The following CXCR5 variants were observed in gnomAD, a reference collection of about 807,000 sequenced individuals.
CXCR5 encodes C-X-C motif chemokine receptor 5, also known as C-X-C chemokine receptor type 5.
Under a neutral mutation model 5.6 loss-of-function variants are expected in CXCR5, and 3 were observed. That is an observed-to-expected ratio of 0.54 (90% CI 0.24 to 1.39). The LOEUF (loss-of-function observed/expected upper bound fraction) is 1.39, where lower values mean the gene tolerates loss of function less well. CXCR5 is among the 40% of genes most tolerant of loss of function. The probability of loss-of-function intolerance (pLI) is 0.16; values close to 1 mark genes in which losing one functional copy is unlikely to be tolerated. For synonymous variants in CXCR5, 218 were observed against 219.9 expected (o/e 0.99, Z 0.08); for missense variants, 333 against 494.6 (o/e 0.67, Z 3.10).
intron 1 of CXCR5, among the ~76,000 whole-genome samples, chr11:118,888,007 A>G (rs1939744232): frequency 6.6e-6 from 1 of 152,134 alleles, no homozygotes; most frequent in Admixed American, 6.6e-5. Flanking sequence ...TGGGGCATTC[A>G]CTGGCGGCAG....
intron 1 of CXCR5, among the ~76,000 whole-genome samples, chr11:118,884,342 G>A (rs1423261444): frequency 6.6e-6 from 1 of 152,166 alleles, no homozygotes; most frequent in African/African-American, 2.4e-5. Flanking sequence ...AACTAGACAG[G>A]AAAGTACTTT....
intron 1 of CXCR5, among the ~76,000 whole-genome samples, chr11:118,884,645 T>A (rs969217087): frequency 3.3e-5 from 5 of 152,158 alleles, no homozygotes; most frequent in African/African-American, 1.2e-4. Context: ...GAGAAAACTG[T>A]TAATCTGACA....
chr11:118,890,209 G>C (rs1290240274), intron 1 of CXCR5, among the ~76,000 whole-genome samples: 1 of 152,204 alleles, frequency 6.6e-6, no homozygotes, highest in Non-Finnish European at 1.5e-5. Flanking sequence ...AGATTACGGA[G>C]TGAGTCCCTG....
In CXCR5 at chr11:118,883,902, A is replaced by C. The variant is rs1457294653; in HGVS notation, c.-40A>C. Reference sequence around the variant, plus strand: ...CACCTGGCGGGGAGCCTCTCAACATAAGACAGTGACCAGTCTGGTGACTCA... The same window carrying C: ...CACCTGGCGGGGAGCCTCTCAACATCAGACAGTGACCAGTCTGGTGACTCA... On this transcript the variant is annotated 5_prime_UTR_variant, in exon 1 of 2. Transcript: ENST00000292174. 1 of 1,599,592 alleles carries C rather than the reference A, an allele frequency of 6.3e-7. No individual in the cohort carries two copies. Among genetic ancestry groups the C allele is most frequent in the Non-Finnish European group, 8.5e-7 (1 of 1,171,354 alleles).
chr11:118,884,594 A>C (rs143381207), intron 1 of CXCR5, among the ~76,000 whole-genome samples: 99 of 152,352 alleles, frequency 6.5e-4, no homozygotes, highest in African/African-American at 2.1e-3. Flanking sequence ...AGATGGTAGC[A>C]AGGAAGAGGA....
At chr11:118,886,597 C>T (rs532566050) in intron 1 of CXCR5, 97 of 352,468 alleles carry the variant, frequency 2.8e-4, no homozygotes, top group African/African-American at 2.0e-3. Flanking sequence ...ATGCCAGGGA[C>T]CCATCCTGCT....
rs1939949954 is a variant in CXCR5 at position 118,897,153 on chromosome 11, G to A, written c.*2490G>A. Reference sequence around the variant, plus strand: ...CATCCTCAGGGAGTGGAGACTGGAGGGGAGGTGCACTGACTCAGATGAACT... The same window carrying A: ...CATCCTCAGGGAGTGGAGACTGGAGAGGAGGTGCACTGACTCAGATGAACT... On this transcript the variant is annotated 3_prime_UTR_variant, in exon 2 of 2. Coordinates refer to ENST00000292174, the MANE Select transcript of CXCR5 (RefSeq NM_001716.5). 6.5e-6 allele frequency: 1 copy of A among 153,468 alleles called. No homozygotes were observed. The highest frequency in any genetic ancestry group is 6.5e-5 in the Admixed American group (1 of 15,392). 9.5% of individuals were successfully genotyped at this position (153,468 alleles called of 1,614,324 possible). A position where few individuals can be genotyped will look rare whatever the true frequency, so the allele number is the denominator to read the frequency against.
At chr11:118,886,435 C>T (rs905081121) in intron 1 of CXCR5, 1 of 428,362 alleles carries the variant, frequency 2.3e-6, no homozygotes, top group Admixed American at 3.0e-5. Context: ...AACTCGAAGA[C>T]CAACTCGAGC....
intron 1 of CXCR5, chr11:118,887,843 GCT>G (rs1161564970): frequency 2.6e-5 from 4 of 152,264 alleles, no homozygotes; most frequent in African/African-American, 9.7e-5. Context: ...GAGCTTGTGT[GCT>G]CCCCCCTGGC....
chr11:118,886,985 G>A (rs1306783379), intron 1 of CXCR5: 1 of 152,642 alleles, frequency 6.6e-6, no homozygotes, highest in African/African-American at 2.4e-5. Flanking sequence ...TAGGGGAAAG[G>A]GAGGTTCTCC....
In CXCR5 at chr11:118,894,787, A is replaced by G; in HGVS notation, c.*124A>G. 1.1e-6 allele frequency: 1 copy of G among 930,792 alleles called. No homozygotes were observed. Among genetic ancestry groups the G allele is most frequent in the Non-Finnish European group, 1.5e-6 (1 of 673,636 alleles). The allele number at this position is 930,792 out of a possible 1,614,324, so 57.7% of individuals were successfully genotyped here. A position where few individuals can be genotyped will look rare whatever the true frequency, so the allele number is the denominator to read the frequency against. On this transcript the variant is annotated 3_prime_UTR_variant, in exon 2 of 2. Coordinates refer to ENST00000292174, the MANE Select transcript of CXCR5 (RefSeq NM_001716.5). This position sits in a 1 kb window ranked among gnomAD's most constrained non-coding sequence, Gnocchi z 6.1. Reference sequence around the variant, plus strand: ...CTAAGAGTGTCCTAGGAGTATCCTCATTTGGGGTAGCTAGAGGAACCAACC... The same window carrying G: ...CTAAGAGTGTCCTAGGAGTATCCTCGTTTGGGGTAGCTAGAGGAACCAACC...
In CXCR5 at chr11:118,896,256, G is replaced by T. The variant is rs1939914889; in HGVS notation, c.*1593G>T. ...GTTTCAAAATAAAAACCAAGAAGAT[G>T]TCTTCACATATTGTATTTATATATT... On this transcript the variant is annotated 3_prime_UTR_variant, in exon 2 of 2. Coordinates refer to ENST00000292174, the MANE Select transcript of CXCR5 (RefSeq NM_001716.5). The T allele has an allele frequency of 6.0e-6, 1 of 165,792 alleles. No homozygotes were observed. Among genetic ancestry groups the T allele is most frequent in the African/African-American group, 2.4e-5 (1 of 41,274 alleles). 10.3% of individuals were successfully genotyped at this position (165,792 alleles called of 1,614,324 possible).
rs1293169871 is a variant in CXCR5 at position 118,893,367 on chromosome 11, C to T, written c.52-229C>T. 2.2e-5 allele frequency: 22 copies of T among 985,032 alleles called. No homozygotes were observed. Among genetic ancestry groups the T allele is most frequent in the African/African-American group, 5.2e-5 (3 of 57,224 alleles). 61.0% of individuals were successfully genotyped at this position (985,032 alleles called of 1,614,324 possible). Reference sequence around the variant, plus strand: ...CCAGCACTTACAAAGCTCAGCCACCCGCACGCCTCCCTTCATCAGCACCAC... The same window carrying T: ...CCAGCACTTACAAAGCTCAGCCACCTGCACGCCTCCCTTCATCAGCACCAC... On this transcript the variant is annotated intron_variant, in intron 1 of 1. Transcript: ENST00000292174. This position sits in a 1 kb window ranked among gnomAD's most constrained non-coding sequence, Gnocchi z 5.7.
chr11:118,886,161 A>T, intron 1 of CXCR5: 1 of 354,140 alleles, frequency 2.8e-6, no homozygotes, highest in East Asian at 7.8e-5. Flanking sequence ...TTGATTTGTG[A>T]TGCAGTAAAG....
chr11:118,888,605 G>A (rs1039437259), intron 1 of CXCR5, among the ~76,000 whole-genome samples: 9 of 152,210 alleles, frequency 5.9e-5, no homozygotes, highest in Non-Finnish European at 1.2e-4. Context: ...CGTCACTCCC[G>A]TGACTCATCT....
Position 118,883,932 on chromosome 11 carries a change from C to A in CXCR5, c.-10C>A. ...AGTGACCAGTCTGGTGACTCACAGC[C>A]GGCACAGCCATGAACTACCCGCTAA... is the stretch of plus-strand genomic sequence containing the variant. On this transcript the variant is annotated 5_prime_UTR_variant, in exon 1 of 2. Coordinates refer to ENST00000292174, the MANE Select transcript of CXCR5 (RefSeq NM_001716.5). 6.2e-7 allele frequency: 1 copy of A among 1,610,400 alleles called. No individual in the cohort carries two copies. Among genetic ancestry groups the A allele is most frequent in the Non-Finnish European group, 8.5e-7 (1 of 1,178,226 alleles).
At chr11:118,889,351 G>A (rs553673480) in intron 1 of CXCR5, among the ~76,000 whole-genome samples, 1 of 152,224 alleles carries the variant, frequency 6.6e-6, no homozygotes, top group African/African-American at 2.4e-5. Flanking sequence ...GCATGTTGCT[G>A]TCAAGAGTGT....
intron 1 of CXCR5, among the ~76,000 whole-genome samples, chr11:118,892,664 T>A (rs1591967014): frequency 1.4e-5 from 1 of 71,692 alleles, no homozygotes; most frequent in Non-Finnish European, 2.9e-5. Flanking sequence ...AGTGCTGGGG[T>A]GATGGGGGGG....
intron 1 of CXCR5, among the ~76,000 whole-genome samples, chr11:118,885,645 G>A (rs1340010673): frequency 1.3e-5 from 2 of 152,194 alleles, no homozygotes; most frequent in Non-Finnish European, 2.9e-5. Flanking sequence ...ACCAACTGGA[G>A]ACCCGGCGGG....
Sources: gnomAD v4.1 joint callset for allele counts (sites outside exome capture counted in the v4.1 genomes callset) on GRCh38, gnomAD v4.1.1 for gene constraint, Gnocchi (gnomAD v3.1) non-coding constraint, MANE v1.5 for transcripts, NCBI Gene and HGNC (gene_info 2026-07-23, HGNC 2026-07-21) for gene names.